Variants in FOLH1 observed in about 807,000 individuals in gnomAD.
The protein encoded by FOLH1 is folate hydrolase 1.
A neutral mutation model predicts 93.9 loss-of-function variants in FOLH1; 54 were observed. The ratio of observed to expected loss-of-function variants is 0.57; its 90% CI spans 0.46 to 0.72. The LOEUF is 0.72. FOLH1 is among the 30% of genes least tolerant of loss of function. The pLI, the probability that FOLH1 is intolerant of heterozygous loss-of-function variation, is 0.00. For synonymous variants in FOLH1, 249 were observed against 303.6 expected (o/e 0.82, Z 1.87); for missense variants, 571 against 892.5 (o/e 0.64, Z 4.59).
In FOLH1 at chr11:49,146,074, T is replaced by C. The variant is rs942149650; in HGVS notation, c.*682A>G. On this transcript the variant is annotated 3_prime_UTR_variant, in exon 19 of 19. Coordinates refer to ENST00000256999, the MANE Select transcript of FOLH1 (RefSeq NM_004476.3). ...ATTATAAATAATGACAGAGGAAAGATAAATAAACATAAAATTCAAGAAAAT... is the reference window on the plus strand; with the variant it reads ...ATTATAAATAATGACAGAGGAAAGACAAATAAACATAAAATTCAAGAAAAT... 1.3e-5 allele frequency among the ~76,000 whole-genome samples: 2 copies of C among 152,092 alleles called. No individual in the cohort carries two copies. Among genetic ancestry groups the C allele is most frequent in the Non-Finnish European group, 2.9e-5 (2 of 68,026 alleles).
intron 4 of FOLH1, among the ~76,000 whole-genome samples, chr11:49,192,519 T>C (rs1862187226): frequency 6.6e-6 from 1 of 152,226 alleles, no homozygotes; most frequent in African/African-American, 2.4e-5. Flanking sequence ...TTGATGGGAT[T>C]TGGATCACCC....
chr11:49,163,070 T>G (rs527281483), intron 13 of FOLH1, among the ~76,000 whole-genome samples: 17 of 152,312 alleles, frequency 1.1e-4, no homozygotes, highest in Middle Eastern at 3.4e-3. Context: ...AGGGACCCAG[T>G]TTAAAAAGTA....
At chr11:49,176,982 C>T (rs1484618245) in intron 7 of FOLH1, among the ~76,000 whole-genome samples, 27 of 152,224 alleles carry the variant, frequency 1.8e-4, no homozygotes, top group Admixed American at 1.8e-3. Context: ...CACCCTCATG[C>T]ACTCCAGGCT....
rs1444646815 is a variant in FOLH1 at position 49,200,240 on chromosome 11, T to A, written c.411+15A>T. ...TGGGGGGAATGTTTCTTTTATTTAT[T>A]TATTTATTTTTTACCTCATTTCCAT... On this transcript the variant is annotated intron_variant, in intron 3 of 18. Transcript: ENST00000256999. 4 of 1,484,266 alleles carry A rather than the reference T, an allele frequency of 2.7e-6. No homozygotes were observed. In the Admixed American group the frequency reaches 1.0e-4, roughly 37 times the overall value. 91.9% of individuals were successfully genotyped at this position (1,484,266 alleles called of 1,614,324 possible).
intron 4 of FOLH1, among the ~76,000 whole-genome samples, chr11:49,191,405 C>T (rs1862023264): frequency 1.3e-5 from 2 of 152,174 alleles, no homozygotes; most frequent in Admixed American, 1.3e-4. Flanking sequence ...TGAGGAACAC[C>T]GATCAGCAAA....
At chr11:49,185,990 G>A in intron 5 of FOLH1, 135 bp from the exon 6 acceptor site, 1 of 1,121,512 alleles carries the variant, frequency 8.9e-7, no homozygotes, top group South Asian at 2.7e-5. Flanking sequence ...CTACAACAAA[G>A]GACATCTCGG....
intron 7 of FOLH1, among the ~76,000 whole-genome samples, chr11:49,182,254 A>G (rs646131): frequency 0.89 from 133,366 of 149,444 alleles, 59,488 homozygotes; most frequent in South Asian, 0.95. Flanking sequence ...ACTTGAACCC[A>G]GGAGGCGGGG....
chr11:49,154,595 C>A, intron 15 of FOLH1, 103 bp from the exon 16 acceptor site: 4 of 1,502,076 alleles, frequency 2.7e-6, no homozygotes, highest in Non-Finnish European at 3.6e-6. Flanking sequence ...AGTGATGGAT[C>A]AAGGAAAGTA....
chr11:49,207,972 C>CAAAACAAAACAAAACAAAAA, intron 1 of FOLH1: 1 of 585,870 alleles, frequency 1.7e-6, no homozygotes. Flanking sequence ...CAAAACAAAA[C>CAAAACAAAACAAAACAAAAA]AAAAGCAAAA....
intron 2 of FOLH1, among the ~76,000 whole-genome samples, chr11:49,204,783 T>C (rs1217227313): frequency 2.0e-5 from 3 of 152,204 alleles, no homozygotes; most frequent in Non-Finnish European, 4.4e-5. Flanking sequence ...TGTGTAATGG[T>C]CTTTTAATTT....
Position 49,146,759 on chromosome 11 carries a change from G to A in FOLH1, c.2250C>T (p.Ala750=). 1 of 1,608,406 alleles carries A rather than the reference G, an allele frequency of 6.2e-7. No homozygotes were observed. The highest frequency in any genetic ancestry group is 8.5e-7 in the Non-Finnish European group (1 of 1,177,198). Residue 750 remains alanine (A), a synonymous_variant, in exon 19 of 19, where the codon GCC becomes GCT. Coordinates refer to ENST00000256999, the MANE Select transcript of FOLH1 (RefSeq NM_004476.3). ...ACGGATTCTCTAAAGAATCCTCTTA[G>A]GCTACTTCACTCAAAGTCTCTGCAG... The part of the protein sequence containing the change: ...QAAAETLSEV[A]
chr11:49,205,900 A>T (rs1341869714), intron 2 of FOLH1, among the ~76,000 whole-genome samples, 167 bp downstream of exon 2: 7 of 152,194 alleles, frequency 4.6e-5, no homozygotes, highest in Admixed American at 3.3e-4. Context: ...GTAATGACAA[A>T]ATTTAGCTGA....
chr11:49,197,226 A>T (rs1423209779), intron 3 of FOLH1, among the ~76,000 whole-genome samples: 1 of 152,228 alleles, frequency 6.6e-6, no homozygotes, highest in African/African-American at 2.4e-5. Context: ...ATTTGCCTTT[A>T]TGGTAATCAA....
intron 8 of FOLH1, 134 bp from the exon 9 acceptor site, chr11:49,175,111 G>A (rs1422018194): frequency 2.3e-5 from 18 of 788,482 alleles, no homozygotes; most frequent in Middle Eastern, 3.4e-4. Flanking sequence ...TGATTAACAG[G>A]AGAAAAGGCA....
At chr11:49,184,618 T>C (rs1316816330) in intron 6 of FOLH1, among the ~76,000 whole-genome samples, 1 of 152,182 alleles carries the variant, frequency 6.6e-6, no homozygotes, top group East Asian at 1.9e-4. Context: ...TCTGACAATG[T>C]ATTATGTTCT....
At chr11:49,192,365 G>A (rs911580637) in intron 4 of FOLH1, among the ~76,000 whole-genome samples, 3 of 152,132 alleles carry the variant, frequency 2.0e-5, no homozygotes, top group Non-Finnish European at 4.4e-5. Context: ...AAAACACAGA[G>A]TGAACAAAAA....
At chr11:49,156,493 T>C (rs1857050909) in intron 15 of FOLH1, among the ~76,000 whole-genome samples, 1 of 152,056 alleles carries the variant, frequency 6.6e-6, no homozygotes, top group African/African-American at 2.4e-5. Flanking sequence ...AGTTCACATT[T>C]GCAGACATGA....
In FOLH1 at chr11:49,153,809, A is replaced by G. The variant is rs745957524; in HGVS notation, c.1970+37T>C. ...TACTTTTAAATATATATATATACAC[A>G]CACATACACACATATGCACATATAT... On this transcript the variant is annotated intron_variant, in intron 17 of 18. Coordinates refer to ENST00000256999, the MANE Select transcript of FOLH1 (RefSeq NM_004476.3). The G allele has an allele frequency of 6.7e-6, 9 of 1,336,336 alleles. No individual in the cohort carries two copies. In the Admixed American group the frequency reaches 7.0e-5, roughly 10 times the overall value. The allele number at this position is 1,336,336 out of a possible 1,614,324, so 82.8% of individuals were successfully genotyped here.
At chr11:49,169,390 G>A (rs1858916180) in intron 11 of FOLH1, 132 bp from the exon 12 acceptor site, 1 of 726,628 alleles carries the variant, frequency 1.4e-6, no homozygotes, top group African/African-American at 1.8e-5. Context: ...TTTGACATAA[G>A]AAATTCTCAT....
Sources: gnomAD v4.1 joint callset for allele counts (sites outside exome capture counted in the v4.1 genomes callset) on GRCh38, gnomAD v4.1.1 for gene constraint, MANE v1.5 for transcripts, NCBI Gene and HGNC (gene_info 2026-07-23, HGNC 2026-07-21) for gene names.